Variants in FARS2 observed in about 807,000 individuals in gnomAD.
FARS2 encodes the protein phenylalanine--tRNA ligase, mitochondrial.
A neutral mutation model predicts 46.4 loss-of-function variants in FARS2; 40 were observed. That is an observed-to-expected ratio of 0.86 (90% confidence interval 0.67 to 1.12). The LOEUF (loss-of-function observed/expected upper bound fraction) is 1.12, where lower values mean the gene tolerates loss of function less well. Among genes scored for constraint, FARS2 ranks in the 50% most tolerant of loss-of-function variants. FARS2 has a pLI of 0.00. For synonymous variants in FARS2, 234 were observed against 214.9 expected, an observed-to-expected ratio of 1.09 and a Z score of -0.78; for missense variants, 513 against 567.9, an observed-to-expected ratio of 0.90 and a Z score of 0.98.
Position 5,666,008 on chromosome 6 carries a change from A to G in FARS2, c.1217+52688A>G, listed in dbSNP as rs571138523. On this transcript the variant is annotated intron_variant, in intron 6 of 6. Transcript: ENST00000274680. ...CACTGGCATTGAAGAGACCCCGGGA[A>G]GGGAAGTACCTCTGGCTCCATGGCA... is the stretch of plus-strand genomic sequence containing the variant. Among the ~76,000 whole-genome samples the G allele has an allele frequency of 3.9e-5, 6 of 152,284 alleles. No homozygotes were observed. The East Asian group carries it at 1.2e-3, about 29-fold the overall frequency.
intron 6 of FARS2, among the ~76,000 whole-genome samples, chr6:5,683,941 G>A (rs1049361279): frequency 1.3e-5 from 2 of 152,206 alleles, no homozygotes; most frequent in African/African-American, 2.4e-5. Flanking sequence ...TGCTGCAGAA[G>A]ACATGAACTC....
chr6:5,347,719 T>C (rs1469534242), intron 1 of FARS2, among the ~76,000 whole-genome samples: 1 of 152,210 alleles, frequency 6.6e-6, no homozygotes, highest in African/African-American at 2.4e-5. Flanking sequence ...TTGTAAAACA[T>C]TGCCGGCCAT....
At chr6:5,539,931 T>C (rs974990715) in intron 4 of FARS2, among the ~76,000 whole-genome samples, 7 of 152,150 alleles carry the variant, frequency 4.6e-5, no homozygotes, top group African/African-American at 1.4e-4. Flanking sequence ...CCCTGCTCCA[T>C]TCAGAAGACG....
At chr6:5,452,946 T>C (rs140233494) in intron 4 of FARS2, among the ~76,000 whole-genome samples, 2,665 of 152,156 alleles carry the variant, frequency 0.018, 42 homozygotes, top group Non-Finnish European at 0.027. Flanking sequence ...CCTAATCATA[T>C]CACTAGATGT....
At chr6:5,344,177 G>A (rs1483853957) in intron 1 of FARS2, among the ~76,000 whole-genome samples, 1 of 152,156 alleles carries the variant, frequency 6.6e-6, no homozygotes, top group Non-Finnish European at 1.5e-5. Flanking sequence ...ATTCAGGAAA[G>A]CCACTGCAGC....
At chr6:5,380,310 G>A (rs1561998020) in intron 2 of FARS2, among the ~76,000 whole-genome samples, 1 of 152,154 alleles carries the variant, frequency 6.6e-6, no homozygotes, top group Non-Finnish European at 1.5e-5. Flanking sequence ...ATTTGTTGTT[G>A]AAGGCTAAGA....
intron 4 of FARS2, among the ~76,000 whole-genome samples, chr6:5,520,864 G>A (rs1201352876): frequency 6.6e-6 from 1 of 152,178 alleles, no homozygotes; most frequent in Non-Finnish European, 1.5e-5. Context: ...ATGTATGTGT[G>A]TTAGTGAATC....
At chr6:5,282,532 G>A (rs1318787453) in intron 1 of FARS2, among the ~76,000 whole-genome samples, 1 of 152,166 alleles carries the variant, frequency 6.6e-6, no homozygotes, top group Non-Finnish European at 1.5e-5. Context: ...GGCCACCGGA[G>A]TTGAGGGTTA....
At chr6:5,687,514 T>C (rs948673586) in intron 6 of FARS2, among the ~76,000 whole-genome samples, 2 of 152,222 alleles carry the variant, frequency 1.3e-5, no homozygotes, top group African/African-American at 4.8e-5. Context: ...GTTGTAGATA[T>C]GCGGCATTAT....
chr6:5,403,139 G>A (rs1000653022), intron 2 of FARS2, among the ~76,000 whole-genome samples: 2 of 152,188 alleles, frequency 1.3e-5, no homozygotes, highest in Admixed American at 6.5e-5. Flanking sequence ...GTCCTCATAA[G>A]AATAATTTGA....
Position 5,572,845 on chromosome 6 carries a change from A to G in FARS2, c.1065+27505A>G, listed in dbSNP as rs5012510. On this transcript the variant is annotated intron_variant, in intron 5 of 6. Coordinates refer to ENST00000274680, the MANE Select transcript of FARS2 (RefSeq NM_006567.5). ...AGTTTGGGCACTTCTGACCAACGCT[A>G]TAGTAATAACCAATGGACTGGTTCC... Among the ~76,000 whole-genome samples the G allele has an allele frequency of 8.3e-3, 1,258 of 152,284 alleles. 10 individuals are homozygous for G. Among genetic ancestry groups the G allele is most frequent in the South Asian group, 0.017 (84 of 4,826 alleles).
intron 2 of FARS2, among the ~76,000 whole-genome samples, chr6:5,382,562 G>C (rs1759859446): frequency 6.6e-6 from 1 of 152,162 alleles, no homozygotes; most frequent in African/African-American, 2.4e-5. Flanking sequence ...GATGTAGCTA[G>C]AGTAACAGTG....
chr6:5,663,005 G>A (rs1777920864), intron 6 of FARS2, among the ~76,000 whole-genome samples: 2 of 152,152 alleles, frequency 1.3e-5, no homozygotes, highest in African/African-American at 2.4e-5. Context: ...TGGTGCTTCG[G>A]AAGCCTGTTA....
At chr6:5,559,440 A>C (rs1771865537) in intron 5 of FARS2, among the ~76,000 whole-genome samples, 1 of 152,072 alleles carries the variant, frequency 6.6e-6, no homozygotes, top group Non-Finnish European at 1.5e-5. Context: ...AAACATTAGA[A>C]ATGCAGTTGA....
chr6:5,325,582 A>G (rs1770313373), intron 1 of FARS2, among the ~76,000 whole-genome samples: 2 of 152,230 alleles, frequency 1.3e-5, no homozygotes, highest in Admixed American at 6.5e-5. Flanking sequence ...TAATCTTCCT[A>G]CAGCTGAAGC....
intron 3 of FARS2, among the ~76,000 whole-genome samples, chr6:5,420,512 A>G (rs1169706523): frequency 3.3e-5 from 5 of 152,180 alleles, no homozygotes; most frequent in Admixed American, 3.3e-4. Context: ...AGCCTTTCCA[A>G]ATGGGAGAAA....
chr6:5,427,468 G>A (rs757031327), intron 3 of FARS2, among the ~76,000 whole-genome samples: 5 of 152,174 alleles, frequency 3.3e-5, no homozygotes, highest in Non-Finnish European at 5.9e-5. Context: ...GAAATGAATG[G>A]TGTATAGATT....
intron 6 of FARS2, among the ~76,000 whole-genome samples, chr6:5,759,732 G>C (rs757937153): frequency 6.6e-6 from 1 of 152,126 alleles, no homozygotes; most frequent in Admixed American, 6.5e-5. Flanking sequence ...AATCCAGGGC[G>C]AGTGAGGAGA....
At chr6:5,296,592 C>A (rs1478803589) in intron 1 of FARS2, among the ~76,000 whole-genome samples, 1 of 152,200 alleles carries the variant, frequency 6.6e-6, no homozygotes, top group African/African-American at 2.4e-5. Flanking sequence ...CCCCTCTCCC[C>A]CAAGCCTCTG....
Sources: allele counts gnomAD v4.1 joint callset (sites outside exome capture counted in the v4.1 genomes callset), GRCh38; gene constraint gnomAD v4.1.1; transcripts MANE v1.5; gene names NCBI Gene and HGNC (gene_info 2026-07-23, HGNC 2026-07-21).